The following LRRC4C variants were observed in gnomAD, a reference collection of about 807,000 sequenced individuals.
LRRC4C encodes the protein leucine-rich repeat-containing protein 4C.
In LRRC4C, 5 loss-of-function variants were observed where a neutral mutation model predicts 33.6. That is an observed-to-expected ratio of 0.15 (90% CI 0.08 to 0.31). The LOEUF is 0.31. Ranked by LOEUF, LRRC4C falls within the 10% of genes least tolerant of loss-of-function variation. The pLI is 1.00. For synonymous variants in LRRC4C, 329 were observed against 302.0 expected (o/e 1.09, Z -0.93); for missense variants, 560 against 796.7 (o/e 0.70, Z 3.58).
At chr11:41,210,394 C>T (rs1270091930) in intron 1 of LRRC4C, among the ~76,000 whole-genome samples, 1 of 152,128 alleles carries the variant, frequency 6.6e-6, no homozygotes, top group Non-Finnish European at 1.5e-5. Flanking sequence ...TTTCTCCTTT[C>T]GTTTGCCTCT....
chr11:41,288,537 C>A (rs943420742), intron 1 of LRRC4C, among the ~76,000 whole-genome samples: 1 of 152,152 alleles, frequency 6.6e-6, no homozygotes, highest in African/African-American at 2.4e-5. Flanking sequence ...AAAGTACTCT[C>A]TACCCCAGAA....
intron 1 of LRRC4C, among the ~76,000 whole-genome samples, chr11:41,033,226 A>G (rs1249974287): frequency 6.6e-6 from 1 of 152,094 alleles, no homozygotes; most frequent in African/African-American, 2.4e-5. Context: ...TTATAGTGAA[A>G]CTGGTCTGAA....
chr11:40,544,643 G>A (rs1023173864), intron 3 of LRRC4C, among the ~76,000 whole-genome samples: 1 of 151,912 alleles, frequency 6.6e-6, no homozygotes, highest in Non-Finnish European at 1.5e-5. Flanking sequence ...TTCTTTTGGT[G>A]GCAAAGAATC....
intron 2 of LRRC4C, among the ~76,000 whole-genome samples, chr11:40,730,852 T>C (rs571304346): frequency 6.6e-6 from 1 of 152,196 alleles, no homozygotes; most frequent in South Asian, 2.1e-4. Context: ...ATCATGTTTA[T>C]TTTTTACTTT....
At chr11:40,629,022 A>T (rs1246020737) in intron 3 of LRRC4C, among the ~76,000 whole-genome samples, 1 of 152,206 alleles carries the variant, frequency 6.6e-6, no homozygotes, top group African/African-American at 2.4e-5. Context: ...ATATAAACAA[A>T]AAAACAAAAA....
intron 3 of LRRC4C, among the ~76,000 whole-genome samples, chr11:40,381,950 C>T (rs1177160313): frequency 7.2e-6 from 1 of 139,488 alleles, no homozygotes. Flanking sequence ...GTTTATCAGT[C>T]AGCGTTTTTT....
intron 3 of LRRC4C, among the ~76,000 whole-genome samples, chr11:40,411,688 G>A (rs1950161786): frequency 6.6e-6 from 1 of 151,914 alleles, no homozygotes; most frequent in South Asian, 2.1e-4. Context: ...GTTTTAAGAG[G>A]AAACAATGTA....
chr11:41,435,929 G>A (rs1204889773), intron 1 of LRRC4C, among the ~76,000 whole-genome samples: 1 of 152,160 alleles, frequency 6.6e-6, no homozygotes, highest in African/African-American at 2.4e-5. Context: ...TTCCCGGCCG[G>A]GAGTGGTGGC....
chr11:40,361,615 G>A (rs964568776), intron 3 of LRRC4C, among the ~76,000 whole-genome samples: 4 of 152,086 alleles, frequency 2.6e-5, no homozygotes, highest in South Asian at 2.1e-4. Flanking sequence ...TAACACAAAC[G>A]AAAAAACATT....
At chr11:40,311,717 T>C (rs1433060486) in intron 4 of LRRC4C, among the ~76,000 whole-genome samples, 3 of 152,072 alleles carry the variant, frequency 2.0e-5, no homozygotes, top group African/African-American at 2.4e-5. Context: ...GAGGCCGAGA[T>C]GGGCGATACA....
At chr11:41,282,558 G>C (rs1051149673) in intron 1 of LRRC4C, among the ~76,000 whole-genome samples, 17 of 152,128 alleles carry the variant, frequency 1.1e-4, no homozygotes, top group Non-Finnish European at 1.0e-4. Flanking sequence ...GAATCTTTAC[G>C]TGAAGACAGT....
intron 2 of LRRC4C, among the ~76,000 whole-genome samples, chr11:40,834,880 A>ACAGG (rs1258790814): frequency 2.6e-3 from 335 of 127,176 alleles, no homozygotes; most frequent in East Asian, 0.01. Flanking sequence ...CAAAGAAAAG[A>ACAGG]CAGGCAGACA....
intron 3 of LRRC4C, among the ~76,000 whole-genome samples, chr11:40,631,703 G>A (rs1254941370): frequency 6.6e-6 from 1 of 152,042 alleles, no homozygotes; most frequent in African/African-American, 2.4e-5. Context: ...AAAAAATGTT[G>A]CTTGGAATAG....
intron 1 of LRRC4C, among the ~76,000 whole-genome samples, chr11:41,053,266 A>G (rs1404327174): frequency 2.0e-5 from 3 of 152,238 alleles, no homozygotes; most frequent in African/African-American, 4.8e-5. Context: ...CCCTCTTGCT[A>G]GGAGACACTT....
intron 1 of LRRC4C, among the ~76,000 whole-genome samples, chr11:41,310,931 G>A (rs939912585): frequency 2.0e-5 from 3 of 152,226 alleles, no homozygotes; most frequent in Non-Finnish European, 2.9e-5. Flanking sequence ...TAGGTAGGCT[G>A]TAGATAAATT....
chr11:40,895,453 C>T (rs1157403368), intron 2 of LRRC4C, among the ~76,000 whole-genome samples: 1 of 152,080 alleles, frequency 6.6e-6, no homozygotes, highest in African/African-American at 2.4e-5. Flanking sequence ...CATCCTATCG[C>T]TTTTGCAGAT....
At chr11:40,691,200 C>CAA (rs568680769) in intron 2 of LRRC4C, among the ~76,000 whole-genome samples, 2 of 150,382 alleles carry the variant, frequency 1.3e-5, no homozygotes, top group Admixed American at 6.6e-5. Context: ...TGATAAAAAA[C>CAA]AAAAAAAAAC....
chr11:40,789,093 GAAAAAA>G (rs397956716), intron 2 of LRRC4C, among the ~76,000 whole-genome samples: 4 of 63,530 alleles, frequency 6.3e-5, no homozygotes, highest in African/African-American at 1.9e-4. Flanking sequence ...TCCGTCTCGG[GAAAAAA>G]AAAAAAAAAA....
At chr11:40,872,146 A>G (rs901608077) in intron 2 of LRRC4C, among the ~76,000 whole-genome samples, 5 of 152,080 alleles carry the variant, frequency 3.3e-5, no homozygotes, top group African/African-American at 1.2e-4. Flanking sequence ...CGGGACATCC[A>G]CCAGTTAAAG....
Sources: allele counts gnomAD v4.1 joint callset (sites outside exome capture counted in the v4.1 genomes callset), GRCh38; gene constraint gnomAD v4.1.1; transcripts MANE v1.5; gene names NCBI Gene and HGNC (gene_info 2026-07-23, HGNC 2026-07-21).